The following PCDHGB5 variants were observed in gnomAD, a reference collection of about 807,000 sequenced individuals.
PCDHGB5 encodes protocadherin gamma subfamily B, 5.
Under a neutral mutation model 62.9 loss-of-function variants are expected in PCDHGB5, and 48 were observed. That is an observed-to-expected ratio of 0.76 (90% CI 0.61 to 0.97). The LOEUF is 0.97. Among genes scored for constraint, PCDHGB5 ranks in the 50% least tolerant of loss-of-function variants. The probability of loss-of-function intolerance (pLI) is 0.00; values close to 1 mark genes in which losing one functional copy is unlikely to be tolerated. For synonymous variants in PCDHGB5, 474 were observed against 511.2 expected (o/e 0.93, Z 0.98); for missense variants, 1,118 against 1,198.6 (o/e 0.93, Z 0.99).
At chr5:141,442,689 G>A (rs966261716) in intron 1 of PCDHGB5, among the ~76,000 whole-genome samples, 1 of 152,238 alleles carries the variant, frequency 6.6e-6, no homozygotes, top group South Asian at 2.1e-4. Context: ...CAGTAGTCAG[G>A]CAGACAAGAG....
At chr5:141,410,170 C>A in intron 1 of PCDHGB5, 1 of 1,613,828 alleles carries the variant, frequency 6.2e-7, no homozygotes, top group African/African-American at 1.3e-5. Context: ...CACTCTCTGC[C>A]ACCGCCACGC....
chr5:141,418,125 G>C, intron 1 of PCDHGB5: 1 of 1,614,086 alleles, frequency 6.2e-7, no homozygotes. Flanking sequence ...GTGAAGGACC[G>C]AATAGACCGT....
chr5:141,472,371 C>G (rs2099278632), intron 1 of PCDHGB5, among the ~76,000 whole-genome samples: 1 of 151,944 alleles, frequency 6.6e-6, no homozygotes, highest in Admixed American at 6.6e-5. Flanking sequence ...GAAACCCCGT[C>G]TCCACTAAAA....
At chr5:141,449,148 T>C (rs570694341) in intron 1 of PCDHGB5, among the ~76,000 whole-genome samples, 20 of 152,268 alleles carry the variant, frequency 1.3e-4, no homozygotes, top group African/African-American at 4.8e-4. Flanking sequence ...AATTGCTGGG[T>C]CAAAGAGGAA....
intron 1 of PCDHGB5, chr5:141,427,227 A>G (rs111948686): frequency 8.8e-6 from 4 of 456,798 alleles, no homozygotes; most frequent in African/African-American, 4.0e-5. Flanking sequence ...CAGTTATACC[A>G]TGAGAGTAGA....
chr5:141,400,709 G>A (rs1361669405), intron 1 of PCDHGB5, 185 bp downstream of exon 1: 1 of 696,272 alleles, frequency 1.4e-6, no homozygotes, highest in East Asian at 2.7e-5. Flanking sequence ...AAAAGAAGTA[G>A]CCTTATAGAT....
intron 1 of PCDHGB5, chr5:141,475,917 C>T (rs1012431912): frequency 1.7e-6 from 1 of 599,962 alleles, no homozygotes. Context: ...AATGAAGACG[C>T]TGGAGATCGG....
At chr5:141,421,941 T>C (rs186605459) in intron 1 of PCDHGB5, 2 of 1,613,456 alleles carry the variant, frequency 1.2e-6, no homozygotes, top group East Asian at 4.5e-5. Context: ...ATGTAAATGA[T>C]CACATCCCAA....
chr5:141,422,661 C>T (rs1289162498), intron 1 of PCDHGB5: 7 of 1,608,938 alleles, frequency 4.4e-6, no homozygotes, highest in Admixed American at 1.7e-5. Flanking sequence ...TGACCGCCCT[C>T]GACCCGGACA....
rs770811342 is a variant in PCDHGB5 at position 141,399,870 on chromosome 5, C to CT, written c.1744dup (p.Tyr582LeufsTer27). The CT allele has an allele frequency of 6.4e-5, 103 of 1,612,856 alleles. No homozygotes were observed. The highest frequency in any genetic ancestry group is 5.4e-4 in the Middle Eastern group (3 of 5,582). On this transcript the variant is annotated frameshift_variant, in exon 1 of 4. Transcript: ENST00000617380. LOFTEE classifies it high-confidence loss of function. ...TGGTGCCGCGCGCTGCAGAGCCCGG[C>CT]TACCTGGTGACCAAGGTAGTGGCCG...
intron 1 of PCDHGB5, among the ~76,000 whole-genome samples, chr5:141,482,447 T>C (rs2099560010): frequency 6.7e-6 from 1 of 149,882 alleles, no homozygotes; most frequent in East Asian, 1.9e-4. Flanking sequence ...ATTCACCATT[T>C]ATTAGCATCC....
At position 141,432,117 on chromosome 5, in the gene PCDHGB5, C is replaced by G. The variant is rs761106133; in HGVS notation, c.2397+31593C>G. The G allele has an allele frequency of 6.2e-7, 1 of 1,614,062 alleles. No homozygotes were observed. The highest frequency in any genetic ancestry group is 8.5e-7 in the Non-Finnish European group (1 of 1,180,048). ...ACCAACGACAACCCGCCGGTCTTCC[C>G]TCAGGCCTCCTATTCCGCTTATATC... is the stretch of plus-strand genomic sequence containing the variant. On this transcript the variant is annotated intron_variant, in intron 1 of 3. Transcript: ENST00000617380. The surrounding 1 kb of genome is among the most constrained non-coding windows in gnomAD (Gnocchi z 6.0).
At chr5:141,506,462 AAAAG>A (rs1396142744) in intron 3 of PCDHGB5, among the ~76,000 whole-genome samples, 1 of 151,856 alleles carries the variant, frequency 6.6e-6, no homozygotes, top group African/African-American at 2.4e-5. Flanking sequence ...AAAAAAAAAA[AAAAG>A]AGCACAGGCT....
At chr5:141,401,935 T>C (rs1026278615) in intron 1 of PCDHGB5, among the ~76,000 whole-genome samples, 4 of 152,240 alleles carry the variant, frequency 2.6e-5, no homozygotes, top group African/African-American at 9.6e-5. Flanking sequence ...CTTAGAATAA[T>C]GTTTAAGACC....
At chr5:141,453,521 T>A (rs1311886024) in intron 1 of PCDHGB5, among the ~76,000 whole-genome samples, 2 of 152,148 alleles carry the variant, frequency 1.3e-5, no homozygotes, top group Non-Finnish European at 2.9e-5. Flanking sequence ...TCCTCCCCTA[T>A]ACCTTCTGCC....
At chr5:141,497,771 C>T (rs2099779314) in intron 2 of PCDHGB5, among the ~76,000 whole-genome samples, 1 of 152,154 alleles carries the variant, frequency 6.6e-6, no homozygotes, top group Non-Finnish European at 1.5e-5. Context: ...ACTCCCCGAC[C>T]TCAACTGATC....
chr5:141,419,894 C>G, intron 1 of PCDHGB5: 1 of 1,613,926 alleles, frequency 6.2e-7, no homozygotes, highest in Non-Finnish European at 8.5e-7. Flanking sequence ...CAGCGACCAT[C>G]CCACACCCTC....
At chr5:141,438,633 TATAC>T (rs1373299550) in intron 1 of PCDHGB5, among the ~76,000 whole-genome samples, 3,683 of 33,472 alleles carry the variant, frequency 0.11, 56 homozygotes, top group Non-Finnish European at 0.14. Flanking sequence ...TATATATATA[TATAC>T]ACACACACAC....
rs1326004540 is a variant in PCDHGB5 at position 141,477,117 on chromosome 5, C to T, written c.2398-17690C>T. Reference sequence around the variant, plus strand: ...GACAAGGGCGCCAATCCCGAAGGAGCACATTGCAAAGTGTTGGTGGAGGTT... The same window carrying T: ...GACAAGGGCGCCAATCCCGAAGGAGTACATTGCAAAGTGTTGGTGGAGGTT... On this transcript the variant is annotated intron_variant, in intron 1 of 3. Coordinates refer to ENST00000617380, the MANE Select transcript of PCDHGB5 (RefSeq NM_018925.3). The surrounding 1 kb of genome is among the most constrained non-coding windows in gnomAD (Gnocchi z 4.9). 1.2e-6 allele frequency: 2 copies of T among 1,614,246 alleles called. No homozygotes were observed. Among genetic ancestry groups the T allele is most frequent in the East Asian group, 4.5e-5 (2 of 44,886 alleles).
Sources: allele counts gnomAD v4.1 joint callset (sites outside exome capture counted in the v4.1 genomes callset), GRCh38; gene constraint gnomAD v4.1.1; non-coding constraint Gnocchi (gnomAD v3.1); transcripts MANE v1.5; gene names NCBI Gene and HGNC (gene_info 2026-07-23, HGNC 2026-07-21).